GEM: variants seen among roughly 807,000 people sequenced by gnomAD.
GEM encodes the protein GTP-binding protein GEM.
In GEM, 31 loss-of-function variants were observed where a neutral mutation model predicts 33.0. The ratio of observed to expected loss-of-function variants is 0.94; its 90% confidence interval spans 0.71 to 1.27. GEM has a LOEUF of 1.27. GEM is among the 50% of genes most tolerant of loss of function. GEM has a pLI of 0.00. For missense variants in GEM, 354 were observed against 390.5 expected (o/e 0.91, Z 0.79); for synonymous variants, 141 against 143.7 (o/e 0.98, Z 0.13).
intron 3 of GEM, among the ~76,000 whole-genome samples, chr8:94,252,827 G>GT (rs1290434822): frequency 6.6e-6 from 1 of 152,208 alleles, no homozygotes; most frequent in Non-Finnish European, 1.5e-5. Flanking sequence ...CTAAAGGCAA[G>GT]TCACTACAAC....
chr8:94,260,798 T>G, intron 1 of GEM: 4 of 290,872 alleles, frequency 1.4e-5, no homozygotes, highest in Middle Eastern at 1.0e-3. Flanking sequence ...GGCTTCCCCC[T>G]TCCTCAAAGC....
At chr8:94,257,577 A>T (rs1808917822) in intron 2 of GEM, among the ~76,000 whole-genome samples, 1 of 152,060 alleles carries the variant, frequency 6.6e-6, no homozygotes, top group Admixed American at 6.6e-5. Context: ...CATTTACCAC[A>T]TCCTATCTCA....
chr8:94,253,801 AAC>A (rs988716300), intron 2 of GEM, among the ~76,000 whole-genome samples: 138 of 152,230 alleles, frequency 9.1e-4, no homozygotes, highest in African/African-American at 3.2e-3. Flanking sequence ...GTGAAGGGTG[AAC>A]ACAGTACAGT....
At position 94,252,218 on chromosome 8, in the gene GEM, T is replaced by C. The variant is rs144483271; in HGVS notation, c.414A>G (p.Glu138=). The C allele has an allele frequency of 5.6e-4, 894 of 1,601,650 alleles. 1 individual carries two copies. Among genetic ancestry groups the C allele is most frequent in the Admixed American group, 1.0e-3 (61 of 60,006 alleles). Residue 138 remains glutamate, a synonymous_variant, in exon 4 of 5, where the codon GAA becomes GAG. Transcript: ENST00000297596. ...TGCAGTGGTCATGGAGCCATTCATT[T>C]TCCCCCTAATGAAACAATAAGATCT... is the stretch of plus-strand genomic sequence containing the variant. ...ILLDMWENKG[E]NEWLHDHCMQ...
intron 2 of GEM, 64 bp downstream of exon 2, chr8:94,260,109 C>A: frequency 1.9e-6 from 2 of 1,063,680 alleles, no homozygotes; most frequent in South Asian, 1.4e-5. Flanking sequence ...AAGTCACCCA[C>A]CCTCACTCTT....
Position 94,250,306 on chromosome 8 carries a change from G to T in GEM, c.*4C>A. The T allele has an allele frequency of 6.2e-7, 1 of 1,606,574 alleles. No individual in the cohort carries two copies. Among genetic ancestry groups the T allele is most frequent in the Non-Finnish European group, 8.5e-7 (1 of 1,174,896 alleles). On this transcript the variant is annotated 3_prime_UTR_variant, in exon 5 of 5. Transcript: ENST00000297596. The stretch of plus-strand genomic sequence containing the variant: ...CAAAGGGACATCTGGGTGACCCTGG[G>T]TTCCTAGAGTACAGAGAGGTCATGG...
chr8:94,260,693 C>T (rs912412742), intron 1 of GEM, 181 bp from the exon 2 acceptor site: 9 of 570,114 alleles, frequency 1.6e-5, no homozygotes, highest in African/African-American at 1.3e-4. Context: ...CAACTGGACA[C>T]ACACATGCTG....
At chr8:94,258,541 C>T (rs114165785) in intron 2 of GEM, among the ~76,000 whole-genome samples, 2,459 of 152,152 alleles carry the variant, frequency 0.016, 26 homozygotes, top group Middle Eastern at 0.041. Context: ...CTGCAGGGGG[C>T]TATGAAAAGA....
At chr8:94,252,902 G>A in intron 3 of GEM, 134 bp downstream of exon 3, 3 of 608,172 alleles carry the variant, frequency 4.9e-6, no homozygotes, top group East Asian at 2.8e-5. Context: ...TTCTTCAGCA[G>A]TATGCTTTTA....
At chr8:94,258,901 T>C (rs1159654453) in intron 2 of GEM, among the ~76,000 whole-genome samples, 4 of 152,162 alleles carry the variant, frequency 2.6e-5, no homozygotes, top group Non-Finnish European at 5.9e-5. Flanking sequence ...AAGACCAAAA[T>C]AAACAGCAGC....
Position 94,260,282 on chromosome 8 carries a change from G to C in GEM, c.222C>G (p.Thr74=). 2 of 1,614,062 alleles carry C rather than the reference G, an allele frequency of 1.2e-6. No individual in the cohort carries two copies. Among genetic ancestry groups the C allele is most frequent in the South Asian group, 1.1e-5 (1 of 91,086 alleles). The change falls in exon 2 of 5, where the codon ACC becomes ACG. Residue 74 remains threonine, a synonymous_variant. Transcript: ENST00000297596. ...DSVISSESGN[T]YYRVVLIGEQ... is the part of the protein sequence containing the mutation. The stretch of plus-strand genomic sequence containing the variant: ...CCCCTATGAGCACCACTCGGTAGTA[G>C]GTGTTCCCTGACTCAGAGGAGATGA...
At chr8:94,260,815 G>A in intron 1 of GEM, 2 of 257,528 alleles carry the variant, frequency 7.8e-6, no homozygotes, top group Non-Finnish European at 1.5e-5. Flanking sequence ...AAGCAGACTT[G>A]GATGAAAGAA....
chr8:94,251,900 T>C lies in GEM; in HGVS notation c.613+119A>G, dbSNP rs566702536. On this transcript the variant is annotated intron_variant, in intron 4 of 4. Transcript: ENST00000297596. ...TCTGAGAAACACACCTAAAATTTCA[T>C]ATAGCATCTTAATGAGTTCCTAGAT... is the stretch of plus-strand genomic sequence containing the variant. 140 of 743,314 alleles carry C rather than the reference T, an allele frequency of 1.9e-4. 2 individuals carry two copies. In the South Asian group the frequency reaches 2.3e-3, roughly 12 times the overall value. The allele number at this position is 743,314 out of a possible 1,614,324, so 46.0% of individuals were successfully genotyped here. A position where few individuals can be genotyped will look rare whatever the true frequency, so the allele number is the denominator to read the frequency against.
At position 94,260,305 on chromosome 8, in the gene GEM, TGACTGAGTCTGTGGAGTCAGAG is replaced by T. The variant is rs1489015756; in HGVS notation, c.177_198del (p.Asp61ProfsTer14). ...TAGGTGTTCCCTGACTCAGAGGAGATGACTGAGTCTGTGGAGTCAGAGGACCAGCTTCGGCGGCAGTGGTCCT... is the reference window on the plus strand; with the variant it reads ...TAGGTGTTCCCTGACTCAGAGGAGATGACCAGCTTCGGCGGCAGTGGTCCT... On this transcript the variant is annotated frameshift_variant, in exon 2 of 5. Coordinates refer to ENST00000297596, the MANE Select transcript of GEM (RefSeq NM_005261.4). LOFTEE classifies it high-confidence loss of function. 9.9e-6 allele frequency: 16 copies of T among 1,613,798 alleles called. No individual in the cohort carries two copies. The highest frequency in any genetic ancestry group is 2.7e-5 in the African/African-American group (2 of 74,952).
At position 94,250,659 on chromosome 8, in the gene GEM, G is replaced by A. The variant is rs1166160408; in HGVS notation, c.614-72C>T. 20 of 1,278,588 alleles carry A rather than the reference G, an allele frequency of 1.6e-5. No individual in the cohort carries two copies. In the Admixed American group the frequency reaches 4.0e-4, roughly 26 times the overall value. 79.2% of individuals were successfully genotyped at this position (1,278,588 alleles called of 1,614,324 possible). A position where few individuals can be genotyped will look rare whatever the true frequency, so the allele number is the denominator to read the frequency against. The stretch of plus-strand genomic sequence containing the variant: ...ACATAGCACACAGTCAAGCTGGATG[G>A]TTCTTCGAGGTAACACTAAGTCAGC... On this transcript the variant is annotated intron_variant, in intron 4 of 4. Transcript: ENST00000297596.
Position 94,249,727 on chromosome 8 carries a change from T to C in GEM, c.*583A>G, listed in dbSNP as rs17036. 97,920 of 151,780 alleles carry C rather than the reference T, an allele frequency of 0.65. 32,157 individuals carry two copies. Among genetic ancestry groups the C allele is most frequent in the Middle Eastern group, 0.75 (221 of 294 alleles). 9.4% of individuals were successfully genotyped at this position (151,780 alleles called of 1,614,324 possible). On this transcript the variant is annotated 3_prime_UTR_variant, in exon 5 of 5. Transcript: ENST00000297596. ...TATCAGTTCCCAATTCTATATGTCT[T>C]GGTGGGCATTGAACAAAAATTGTTT...
chr8:94,257,629 G>A (rs1808918975), intron 2 of GEM, among the ~76,000 whole-genome samples: 1 of 152,084 alleles, frequency 6.6e-6, no homozygotes, highest in South Asian at 2.1e-4. Flanking sequence ...TGCATACTGT[G>A]AGCATCTCCG....
At position 94,262,294 on chromosome 8, in the gene GEM, G is replaced by GTGCCCGCCGTCCT. The variant is rs1394360282; in HGVS notation, c.-227_-215dup. 3 of 152,144 alleles carry GTGCCCGCCGTCCT rather than the reference G, an allele frequency of 2.0e-5. No homozygotes were observed. The highest frequency in any genetic ancestry group is 2.9e-5 in the Non-Finnish European group (2 of 68,062). The allele number at this position is 152,144 out of a possible 1,614,324, so 9.4% of individuals were successfully genotyped here. A position where few individuals can be genotyped will look rare whatever the true frequency, so the allele number is the denominator to read the frequency against. On this transcript the variant is annotated 5_prime_UTR_variant, in exon 1 of 5. Transcript: ENST00000297596. ...GCCAACGAGCGGGGAGTGCTGCGCT[G>GTGCCCGCCGTCCT]TGCCCGCCGTCCTTGCCCGCCGCCT... is the stretch of plus-strand genomic sequence containing the variant.
intron 2 of GEM, among the ~76,000 whole-genome samples, chr8:94,257,126 C>T (rs138772139): frequency 6.2e-4 from 95 of 152,162 alleles, no homozygotes; most frequent in African/African-American, 2.1e-3. Context: ...GAGACCATCT[C>T]TTCCATGAAG....
Sources: gnomAD v4.1 joint callset for allele counts (sites outside exome capture counted in the v4.1 genomes callset) on GRCh38, gnomAD v4.1.1 for gene constraint, MANE v1.5 for transcripts, NCBI Gene and HGNC (gene_info 2026-07-23, HGNC 2026-07-21) for gene names.